BRINP1: variants seen among roughly 807,000 people sequenced by gnomAD.
BRINP1 encodes BMP/retinoic acid-inducible neural-specific protein 1.
Under a neutral mutation model 72.9 loss-of-function variants are expected in BRINP1, and 17 were observed. The observed-to-expected ratio is 0.23, with a 90% CI of 0.16 to 0.35. BRINP1 has a LOEUF of 0.35. Among genes scored for constraint, BRINP1 ranks in the 10% least tolerant of loss-of-function variants. BRINP1 has a pLI of 1.00. For missense variants in BRINP1, 850 were observed against 1,001.6 expected (o/e 0.85, Z 2.04); for synonymous variants, 418 against 378.5 (o/e 1.10, Z -1.21).
At chr9:119,350,612 A>G (rs1285089870) in intron 1 of BRINP1, among the ~76,000 whole-genome samples, 1 of 151,974 alleles carries the variant, frequency 6.6e-6, no homozygotes, top group African/African-American at 2.4e-5. Flanking sequence ...ATTAAGAAAT[A>G]CACATTAAAA....
chr9:119,339,088 C>A (rs934782628), intron 1 of BRINP1, among the ~76,000 whole-genome samples: 2 of 152,140 alleles, frequency 1.3e-5, no homozygotes, highest in Non-Finnish European at 2.9e-5. Flanking sequence ...TCCTACTAAT[C>A]CTGTTTTCTT....
At chr9:119,229,780 GGGAT>G (rs1830129664) in intron 5 of BRINP1, among the ~76,000 whole-genome samples, 1 of 152,086 alleles carries the variant, frequency 6.6e-6, no homozygotes, top group Admixed American at 6.6e-5. Context: ...AGTATCATGT[GGGAT>G]AAGAAGTGTA....
chr9:119,250,436 T>C (rs1418803875), intron 2 of BRINP1, among the ~76,000 whole-genome samples: 1 of 152,196 alleles, frequency 6.6e-6, no homozygotes, highest in East Asian at 1.9e-4. Flanking sequence ...CTCTTACAAA[T>C]TATGTGTTGT....
At chr9:119,360,150 G>A (rs905549253) in intron 1 of BRINP1, among the ~76,000 whole-genome samples, 3 of 152,090 alleles carry the variant, frequency 2.0e-5, no homozygotes, top group South Asian at 2.1e-4. Flanking sequence ...CCCTAGCCTC[G>A]GCTAACTCTG....
chr9:119,266,396 G>T (rs1423518054), intron 2 of BRINP1, among the ~76,000 whole-genome samples: 1 of 152,166 alleles, frequency 6.6e-6, no homozygotes, highest in Non-Finnish European at 1.5e-5. Context: ...ACAAATTATA[G>T]GGTACAAATT....
At chr9:119,326,375 T>C (rs951779407) in intron 1 of BRINP1, among the ~76,000 whole-genome samples, 6 of 152,174 alleles carry the variant, frequency 3.9e-5, no homozygotes, top group Non-Finnish European at 8.8e-5. Context: ...TGATAAATCA[T>C]CTTGAAGCAT....
At chr9:119,172,829 A>G (rs1829432356) in intron 7 of BRINP1, among the ~76,000 whole-genome samples, 2 of 152,006 alleles carry the variant, frequency 1.3e-5, no homozygotes. Context: ...GGTTCAATAT[A>G]CGCAAATCAA....
chr9:119,362,020 C>T (rs930275223), intron 1 of BRINP1, among the ~76,000 whole-genome samples: 3 of 151,778 alleles, frequency 2.0e-5, no homozygotes, highest in Non-Finnish European at 4.4e-5. Flanking sequence ...TCAGGCTGGT[C>T]TCGAACTCCT....
intron 2 of BRINP1, among the ~76,000 whole-genome samples, chr9:119,284,643 A>C (rs1830742254): frequency 6.6e-6 from 1 of 152,180 alleles, no homozygotes; most frequent in African/African-American, 2.4e-5. Context: ...GTGCTGCTGA[A>C]AATGGGGACC....
At chr9:119,257,122 G>A (rs1243885078) in intron 2 of BRINP1, among the ~76,000 whole-genome samples, 4 of 152,152 alleles carry the variant, frequency 2.6e-5, no homozygotes, top group Admixed American at 6.5e-5. Context: ...AAGGAAAAAG[G>A]GGAATTATAG....
intron 1 of BRINP1, among the ~76,000 whole-genome samples, chr9:119,341,226 A>G (rs1290325883): frequency 6.6e-6 from 1 of 152,220 alleles, no homozygotes; most frequent in Non-Finnish European, 1.5e-5. Context: ...CAGAAAAATG[A>G]CAGCTGCCTA....
intron 1 of BRINP1, among the ~76,000 whole-genome samples, chr9:119,314,599 C>T (rs375575293): frequency 6.6e-6 from 1 of 152,182 alleles, no homozygotes; most frequent in South Asian, 2.1e-4. Context: ...CTCCTGACCT[C>T]ATGATCCGCC....
At chr9:119,324,898 G>T (rs527472750) in intron 1 of BRINP1, among the ~76,000 whole-genome samples, 1 of 152,106 alleles carries the variant, frequency 6.6e-6, no homozygotes, top group Non-Finnish European at 1.5e-5. Flanking sequence ...TTGGGAGCTC[G>T]AGACCAGCCT....
intron 7 of BRINP1, among the ~76,000 whole-genome samples, chr9:119,170,526 G>C (rs1829393251): frequency 6.6e-6 from 1 of 152,102 alleles, no homozygotes; most frequent in Non-Finnish European, 1.5e-5. Context: ...GAAAGTGATG[G>C]GGAGAATGGA....
At chr9:119,259,815 G>T (rs932783033) in intron 2 of BRINP1, among the ~76,000 whole-genome samples, 6 of 152,160 alleles carry the variant, frequency 3.9e-5, no homozygotes, top group African/African-American at 1.4e-4. Context: ...CACAAGAGCT[G>T]GTTTTAAAAT....
chr9:119,341,665 T>C (rs1831407538), intron 1 of BRINP1, among the ~76,000 whole-genome samples: 1 of 152,244 alleles, frequency 6.6e-6, no homozygotes, highest in East Asian at 1.9e-4. Flanking sequence ...TAGGCTAGGC[T>C]AAACTACGAT....
At chr9:119,272,092 A>C (rs1457250721) in intron 2 of BRINP1, among the ~76,000 whole-genome samples, 1 of 4,208 alleles carries the variant, frequency 2.4e-4, no homozygotes, top group East Asian at 0.5. Context: ...TTTTTGAGAC[A>C]AAAAAAAAAA....
intron 7 of BRINP1, among the ~76,000 whole-genome samples, chr9:119,200,675 G>A (rs1046765665): frequency 6.6e-6 from 1 of 150,866 alleles, no homozygotes; most frequent in Non-Finnish European, 1.5e-5. Context: ...AAGATATACT[G>A]GTAAACTGGA....
At chr9:119,234,099 G>A (rs1830171264) in intron 5 of BRINP1, among the ~76,000 whole-genome samples, 2 of 152,168 alleles carry the variant, frequency 1.3e-5, no homozygotes, top group South Asian at 4.1e-4. Context: ...TAGAGTTGCT[G>A]TGAACATTTA....
Sources: gnomAD v4.1 joint callset for allele counts (sites outside exome capture counted in the v4.1 genomes callset) on GRCh38, gnomAD v4.1.1 for gene constraint, MANE v1.5 for transcripts, NCBI Gene and HGNC (gene_info 2026-07-23, HGNC 2026-07-21) for gene names.